The following GPC5 variants were observed in gnomAD, a reference collection of about 807,000 sequenced individuals.
The protein encoded by GPC5 is glypican-5.
In GPC5, 47 loss-of-function variants were observed where a neutral mutation model predicts 53.9. That is an observed-to-expected ratio of 0.87 (90% CI 0.69 to 1.11). GPC5 has a LOEUF of 1.11. Among genes scored for constraint, GPC5 ranks in the 50% most tolerant of loss-of-function variants. GPC5 has a pLI of 0.00. For missense variants in GPC5, 748 were observed against 713.1 expected, an observed-to-expected ratio of 1.05 and a Z score of -0.56; for synonymous variants, 286 against 263.3, an observed-to-expected ratio of 1.09 and a Z score of -0.84.
intron 6 of GPC5, among the ~76,000 whole-genome samples, chr13:92,021,031 T>G (rs1191320027): frequency 6.6e-6 from 1 of 152,172 alleles, no homozygotes; most frequent in African/African-American, 2.4e-5. Context: ...ATTTCATTCT[T>G]TTGCATGTTG....
intron 5 of GPC5, among the ~76,000 whole-genome samples, chr13:91,783,213 C>T (rs1371031144): frequency 1.3e-5 from 2 of 151,858 alleles, no homozygotes. Flanking sequence ...GAGATCGCTC[C>T]ACTGCACTCC....
At chr13:92,194,806 A>G (rs1248979020) in intron 7 of GPC5, among the ~76,000 whole-genome samples, 1 of 152,236 alleles carries the variant, frequency 6.6e-6, no homozygotes, top group Non-Finnish European at 1.5e-5. Context: ...TCTTTCTCCA[A>G]CAACATGGTC....
intron 2 of GPC5, among the ~76,000 whole-genome samples, chr13:91,630,377 G>A (rs1481949788): frequency 6.6e-6 from 1 of 151,974 alleles, no homozygotes; most frequent in Non-Finnish European, 1.5e-5. Flanking sequence ...AGGGCTCGAC[G>A]GGCTCAATAA....
At chr13:91,576,943 T>A (rs953069506) in intron 2 of GPC5, among the ~76,000 whole-genome samples, 4 of 152,098 alleles carry the variant, frequency 2.6e-5, no homozygotes, top group African/African-American at 4.8e-5. Flanking sequence ...AAAAAAAAAA[T>A]TTGTATGTGA....
intron 2 of GPC5, among the ~76,000 whole-genome samples, chr13:91,677,272 T>C (rs2035405515): frequency 6.6e-6 from 1 of 152,180 alleles, no homozygotes; most frequent in African/African-American, 2.4e-5. Flanking sequence ...CCTTCCTAAA[T>C]GATACTTGGT....
chr13:92,015,005 G>A (rs919457520), intron 6 of GPC5, among the ~76,000 whole-genome samples: 1 of 152,018 alleles, frequency 6.6e-6, no homozygotes, highest in African/African-American at 2.4e-5. Context: ...TCACAGGGAG[G>A]TTCCTTATTC....
chr13:92,326,950 C>T (rs1171347071), intron 7 of GPC5, among the ~76,000 whole-genome samples: 1 of 152,098 alleles, frequency 6.6e-6, no homozygotes, highest in Non-Finnish European at 1.5e-5. Context: ...CTGCAGTGAC[C>T]AGTGTAGTCT....
chr13:91,432,227 G>C (rs1302792919), intron 1 of GPC5, among the ~76,000 whole-genome samples: 1 of 150,558 alleles, frequency 6.6e-6, no homozygotes, highest in Non-Finnish European at 1.5e-5. Flanking sequence ...GTGTGTGTGT[G>C]TGTGTGTGTG....
intron 7 of GPC5, among the ~76,000 whole-genome samples, chr13:92,712,587 T>A (rs1372989197): frequency 1.3e-5 from 2 of 152,050 alleles, no homozygotes; most frequent in Admixed American, 6.5e-5. Context: ...TTGTATTTCA[T>A]CAAAATTGAA....
chr13:92,185,355 G>C (rs2042176231), intron 7 of GPC5, among the ~76,000 whole-genome samples: 1 of 152,114 alleles, frequency 6.6e-6, no homozygotes, highest in Non-Finnish European at 1.5e-5. Flanking sequence ...TCACTTACCT[G>C]ATCTCCAGCT....
chr13:92,533,816 A>G (rs1881638090), intron 7 of GPC5, among the ~76,000 whole-genome samples: 1 of 152,192 alleles, frequency 6.6e-6, no homozygotes, highest in African/African-American at 2.4e-5. Context: ...CTTCCTTTTT[A>G]TTATAGGAAC....
At chr13:92,519,225 A>G (rs1431668378) in intron 7 of GPC5, among the ~76,000 whole-genome samples, 1 of 152,206 alleles carries the variant, frequency 6.6e-6, no homozygotes, top group Non-Finnish European at 1.5e-5. Flanking sequence ...TCAATGAGAC[A>G]GAAAGTTAAT....
chr13:92,123,264 G>T (rs548441405), intron 6 of GPC5, among the ~76,000 whole-genome samples: 1 of 152,132 alleles, frequency 6.6e-6, no homozygotes, highest in African/African-American at 2.4e-5. Context: ...AAACTATTTG[G>T]TTTTGGTGGC....
chr13:91,835,505 G>T (rs1356142491), intron 5 of GPC5, among the ~76,000 whole-genome samples: 1 of 152,170 alleles, frequency 6.6e-6, no homozygotes, highest in Non-Finnish European at 1.5e-5. Context: ...ATCAATGATA[G>T]ACTGGATAAA....
At chr13:92,718,155 A>T (rs528364718) in intron 7 of GPC5, among the ~76,000 whole-genome samples, 4 of 152,308 alleles carry the variant, frequency 2.6e-5, no homozygotes, top group Admixed American at 2.6e-4. Flanking sequence ...TTTCTCATAA[A>T]ACTAAAAATA....
intron 7 of GPC5, among the ~76,000 whole-genome samples, chr13:92,480,624 A>G (rs1879312042): frequency 1.3e-5 from 2 of 152,186 alleles, no homozygotes; most frequent in Admixed American, 6.5e-5. Flanking sequence ...AAGATGACAG[A>G]TTATCCCAGG....
chr13:91,556,721 A>G (rs1048450957), intron 2 of GPC5, among the ~76,000 whole-genome samples: 8 of 152,010 alleles, frequency 5.3e-5, no homozygotes, highest in African/African-American at 9.7e-5. Context: ...ACTCAGGAGT[A>G]AAAAACCAAA....
intron 6 of GPC5, among the ~76,000 whole-genome samples, chr13:91,974,768 A>T (rs1474480533): frequency 5.3e-5 from 8 of 152,172 alleles, no homozygotes. Flanking sequence ...GGAAAAAACT[A>T]CTTTAAAGTT....
At chr13:92,762,382 C>T (rs1875220024) in intron 7 of GPC5, among the ~76,000 whole-genome samples, 1 of 151,834 alleles carries the variant, frequency 6.6e-6, no homozygotes, top group African/African-American at 2.4e-5. Context: ...CTCATGGTAA[C>T]ACAAAGTAGA....
Sources: allele counts gnomAD v4.1 joint callset (sites outside exome capture counted in the v4.1 genomes callset), GRCh38; gene constraint gnomAD v4.1.1; transcripts MANE v1.5; gene names NCBI Gene and HGNC (gene_info 2026-07-23, HGNC 2026-07-21).